Variants in NUP160 observed in about 807,000 individuals in gnomAD.
The protein encoded by NUP160 is nucleoporin 160.
A neutral mutation model predicts 196.9 loss-of-function variants in NUP160; 94 were observed. The observed-to-expected ratio is 0.48, with a 90% CI of 0.40 to 0.57. The LOEUF is 0.57. NUP160 is among the 20% of genes least tolerant of loss of function. NUP160 has a pLI of 0.00. For synonymous variants in NUP160, 605 were observed against 619.7 expected (o/e 0.98, Z 0.35); for missense variants, 1,638 against 1,748.3 (o/e 0.94, Z 1.13).
chr11:47,780,521 C>A, intron 34 of NUP160, 74 bp from the exon 35 acceptor site: 2 of 864,660 alleles, frequency 2.3e-6, no homozygotes, highest in Non-Finnish European at 3.7e-6. Context: ...TTTCATAGGA[C>A]TCTGTAGAAT....
intron 7 of NUP160, among the ~76,000 whole-genome samples, chr11:47,823,593 G>T (rs1284624505): frequency 6.6e-6 from 1 of 152,034 alleles, no homozygotes; most frequent in East Asian, 1.9e-4. Flanking sequence ...GGAGTGCAAT[G>T]GTGCGATCTC....
At chr11:47,797,989 G>A in exon 26 of NUP160, 1 of 1,576,128 alleles carries the variant, frequency 6.3e-7, no homozygotes, top group Non-Finnish European at 8.7e-7. Context: ...TCATTATGCA[G>A]ATTCACATAG....
rs754387100 is a variant in NUP160, at chr11:47,813,380, C to T, written c.1722G>A (p.Val574=). ...CATAAGGCAGGAGATACAAATGATC[C>T]ACTAAGGATGAGGGAATAAGGAAAG... The change falls in exon 14 of 36, where the codon GTG becomes GTA. Residue 574 remains valine (V), a synonymous_variant. Transcript: ENST00000378460. 5.6e-6 allele frequency: 9 copies of T among 1,612,324 alleles called. No homozygotes were observed. The African/African-American group carries it at 1.2e-4, about 22-fold the overall frequency.
At chr11:47,809,734 C>CAAA (rs779243939) in intron 17 of NUP160, among the ~76,000 whole-genome samples, 563 of 47,280 alleles carry the variant, frequency 0.012, 32 homozygotes, top group African/African-American at 0.013. Flanking sequence ...GCAAGACTCT[C>CAAA]AAAAAAAAAA....
chr11:47,833,622 T>A (rs1217346129), intron 7 of NUP160, among the ~76,000 whole-genome samples: 1 of 152,146 alleles, frequency 6.6e-6, no homozygotes, highest in Non-Finnish European at 1.5e-5. Context: ...CTCTTCTGAG[T>A]GATCACCAAT....
At chr11:47,784,390 G>A (rs1237341259) in intron 33 of NUP160, among the ~76,000 whole-genome samples, 5 of 152,168 alleles carry the variant, frequency 3.3e-5, no homozygotes, top group Admixed American at 6.6e-5. Flanking sequence ...TAAACAACAC[G>A]GCACTCAGAC....
chr11:47,779,678 A>G, intron 35 of NUP160: 1 of 466,394 alleles, frequency 2.1e-6, no homozygotes, highest in Admixed American at 2.4e-5. Flanking sequence ...AAATGTTGTT[A>G]TATATGCCAA....
At chr11:47,803,596 A>T in intron 21 of NUP160, 60 bp from the exon 22 acceptor site, 1 of 883,698 alleles carries the variant, frequency 1.1e-6, no homozygotes, top group Non-Finnish European at 1.9e-6. Context: ...GGAGATACTC[A>T]TTCCCAAGTT....
rs980506354 is a variant in NUP160, at chr11:47,835,563, G to T, written c.1101+88C>A. 8 of 1,128,844 alleles carry T rather than the reference G, an allele frequency of 7.1e-6. No individual in the cohort carries two copies. The African/African-American group carries it at 8.0e-5, about 11-fold the overall frequency. The allele number at this position is 1,128,844 out of a possible 1,614,324, so 69.9% of individuals were successfully genotyped here. On this transcript the variant is annotated intron_variant, in intron 7 of 35. Transcript: ENST00000378460. ...AGAAACACATCTAGGTCGGTGAAAAGAGCTTGAACAGACTCACTGAGTCTA... is the reference window on the plus strand; with the variant it reads ...AGAAACACATCTAGGTCGGTGAAAATAGCTTGAACAGACTCACTGAGTCTA...
At chr11:47,841,990 C>G (rs1425632043) in intron 2 of NUP160, among the ~76,000 whole-genome samples, 1 of 152,142 alleles carries the variant, frequency 6.6e-6, no homozygotes, top group Non-Finnish European at 1.5e-5. Flanking sequence ...AGCCACCACA[C>G]CTGGCCCTCT....
intron 34 of NUP160, among the ~76,000 whole-genome samples, chr11:47,782,289 TAAAAAAAAA>T (rs1164772188): frequency 4.6e-3 from 146 of 31,844 alleles, no homozygotes; most frequent in Middle Eastern, 0.016. Flanking sequence ...AAAACTCAGT[TAAAAAAAAA>T]AAAAAATATA....
At chr11:47,826,563 C>CT (rs1179389983) in intron 7 of NUP160, among the ~76,000 whole-genome samples, 1 of 149,850 alleles carries the variant, frequency 6.7e-6, no homozygotes, top group African/African-American at 2.5e-5. Flanking sequence ...GTAAAAATCC[C>CT]CCCCCCCTTT....
chr11:47,798,302 A>T (rs754655776), intron 24 of NUP160, 40 bp from the exon 25 acceptor site: 2 of 1,538,660 alleles, frequency 1.3e-6, no homozygotes, highest in South Asian at 2.2e-5. Context: ...AAAGAGCAAT[A>T]GAAATGAACA....
intron 2 of NUP160, among the ~76,000 whole-genome samples, chr11:47,843,481 G>C (rs1026778206): frequency 6.6e-6 from 1 of 152,120 alleles, no homozygotes; most frequent in Non-Finnish European, 1.5e-5. Flanking sequence ...CTCCTTTGTT[G>C]GTTCGTCATT....
At position 47,788,182 on chromosome 11, in the gene NUP160, T is replaced by C. The variant is rs756288441; in HGVS notation, c.3746A>G (p.Lys1249Arg). The change falls in exon 31 of 36, where the codon AAA becomes AGA. Residue 1249 changes from lysine (K) to arginine (R), a missense_variant and splice_region_variant. Coordinates refer to ENST00000378460, the Ensembl canonical transcript of NUP160. ...TATAAAAAAATAATTTTATACATAC[T>C]TGAAGGCAAGCCCTTCAAAGACTGG... is the stretch of plus-strand genomic sequence containing the variant. The C allele has an allele frequency of 1.2e-5, 19 of 1,611,188 alleles. 1 individual carries two copies. The South Asian group carries it at 2.0e-4, about 17-fold the overall frequency.
In NUP160 at chr11:47,819,170, G is replaced by C. The variant is rs189600520; in HGVS notation, c.1362+204C>G. Among the ~76,000 whole-genome samples, 632 of 152,084 alleles carry C rather than the reference G, an allele frequency of 4.2e-3. 1 individual carries two copies. The highest frequency in any genetic ancestry group is 0.015 in the African/African-American group (617 of 41,492). On this transcript the variant is annotated intron_variant, in intron 10 of 35. Transcript: ENST00000378460. ...CTCTACAAAAGTACAAAAATTAGCT[G>C]GGTGTGGTGGTACGTGACTGTAGTC...
chr11:47,813,870 G>C (rs1173184567), intron 13 of NUP160, among the ~76,000 whole-genome samples: 1 of 151,804 alleles, frequency 6.6e-6, no homozygotes, highest in Non-Finnish European at 1.5e-5. Flanking sequence ...AGGGGATCGA[G>C]ACCATCCTGG....
intron 17 of NUP160, among the ~76,000 whole-genome samples, chr11:47,810,925 A>G (rs1238227809): frequency 1.3e-5 from 2 of 152,136 alleles, no homozygotes; most frequent in Non-Finnish European, 2.9e-5. Context: ...GCCCCAAAGG[A>G]CTTTTGGCTA....
At chr11:47,840,211 T>C in intron 3 of NUP160, 146 bp from the exon 4 acceptor site, 1 of 832,136 alleles carries the variant, frequency 1.2e-6, no homozygotes, top group Non-Finnish European at 2.0e-6. Flanking sequence ...AATTCTCAAC[T>C]TAAAATGTAT....
Sources: allele counts gnomAD v4.1 joint callset (sites outside exome capture counted in the v4.1 genomes callset), GRCh38; gene constraint gnomAD v4.1.1; transcripts MANE v1.5; gene names NCBI Gene and HGNC (gene_info 2026-07-23, HGNC 2026-07-21).